MUC4: variants seen among roughly 807,000 people sequenced by gnomAD.
MUC4 encodes the protein mucin-4.
In MUC4, 202 loss-of-function variants were observed where a neutral mutation model predicts 257.9. The observed-to-expected ratio is 0.78, with a 90% CI of 0.70 to 0.88. The LOEUF (loss-of-function observed/expected upper bound fraction) is 0.88. MUC4 is among the 40% of genes least tolerant of loss of function. The pLI is 0.00. For synonymous variants in MUC4, 2,351 were observed against 2,757.1 expected, an observed-to-expected ratio of 0.85 and a Z score of 4.62; for missense variants, 5,976 against 6,513.7, an observed-to-expected ratio of 0.92 and a Z score of 2.84.
intron 1 of MUC4, among the ~76,000 whole-genome samples, chr3:195,807,250 C>G (rs899581926): frequency 2.0e-5 from 3 of 152,174 alleles, no homozygotes; most frequent in African/African-American, 7.2e-5. Context: ...GAGCGGATCA[C>G]CTGAGGTCAG....
In MUC4 at chr3:195,788,514, G is replaced by GCT. The variant is rs1733256328; in HGVS notation, c.3065_3066insAG (p.Thr1023AlafsTer214). 1 of 1,493,042 alleles carries GCT rather than the reference G, an allele frequency of 6.7e-7. No individual in the cohort carries two copies. Among genetic ancestry groups the GCT allele is most frequent in the African/African-American group, 1.7e-5 (1 of 57,974 alleles). The allele number at this position is 1,493,042 out of a possible 1,614,324, so 92.5% of individuals were successfully genotyped here. On this transcript the variant is annotated frameshift_variant, in exon 2 of 25. Transcript: ENST00000463781. LOFTEE classifies it high-confidence loss of function. ...AAGTGTCGGTGACAGGAAGAGGGGT[G>GCT]GTGTGACCTGTGGATACTGAGGAAG...
intron 13 of MUC4, among the ~76,000 whole-genome samples, chr3:195,762,546 ACGC>A (rs1719311137): frequency 6.7e-6 from 1 of 149,016 alleles, no homozygotes; most frequent in Non-Finnish European, 1.5e-5. Context: ...CTGCACCGCA[ACGC>A]ACCCGGCCCT....
At chr3:195,796,067 TATTTTATTTATTTA>T (rs982983256) in intron 1 of MUC4, among the ~76,000 whole-genome samples, 5 of 152,044 alleles carry the variant, frequency 3.3e-5, no homozygotes, top group Admixed American at 2.0e-4. Context: ...AAAACTATTT[TATTTTATTTATTTA>T]ATTTTATTTA....
rs1043934494 is a variant in MUC4, at chr3:195,788,860, A to T, written c.2720T>A (p.Met907Lys). 7 of 1,613,894 alleles carry T rather than the reference A, an allele frequency of 4.3e-6. No homozygotes were observed. The highest frequency in any genetic ancestry group is 5.9e-6 in the Non-Finnish European group (7 of 1,179,838). The change falls in exon 2 of 25, where the codon ATG becomes AAG. Residue 907 changes from methionine to lysine, a missense_variant. Physicochemically the swap from Met to Lys is moderately conservative, Grantham distance 95. Transcript: ENST00000463781. ...SPQETAAISR[M>K]AQTQRTRTSR... Reference sequence around the variant, plus strand: ...GGTTCTTGTCCTCTGAGTCTGGGCCATCCGGGAAATGGCGGCTGTCTCCTG... The same window carrying T: ...GGTTCTTGTCCTCTGAGTCTGGGCCTTCCGGGAAATGGCGGCTGTCTCCTG...
intron 1 of MUC4, among the ~76,000 whole-genome samples, chr3:195,798,635 C>T (rs1023226233): frequency 7.9e-5 from 12 of 151,528 alleles, no homozygotes; most frequent in African/African-American, 1.2e-4. Context: ...ACCCGGGAGG[C>T]GGAGCTTGCA....
rs371051811 is a variant in MUC4, at chr3:195,789,618, G to C, written c.1962C>G (p.Ser654=). 6.2e-7 allele frequency: 1 copy of C among 1,613,964 alleles called. No homozygotes were observed. The highest frequency in any genetic ancestry group is 1.1e-5 in the South Asian group (1 of 91,084). Residue 654 remains serine, a synonymous_variant, in exon 2 of 25, where the codon TCC becomes TCG. Coordinates refer to ENST00000463781, the MANE Select transcript of MUC4 (RefSeq NM_018406.7). ...TCTTGGTGTCAGTCATGGGGGAGAC[G>C]GACCTCGTGGTTTGTGATTCTTGTG... is the stretch of plus-strand genomic sequence containing the variant. The part of the protein sequence containing the change: ...QTTQESQTTR[S]VSPMTDTKTV...
intron 2 of MUC4, 141 bp downstream of exon 2, chr3:195,778,649 C>G (rs1016186637): frequency 2.4e-6 from 3 of 1,247,656 alleles, no homozygotes; most frequent in South Asian, 1.5e-5. Context: ...TCACCCACCA[C>G]ACCCATCACC....
In MUC4 at chr3:195,770,247, G is replaced by A; in HGVS notation, c.13367C>T (p.Ala4456Val). Residue 4456 changes from alanine to valine, a missense_variant, in exon 6 of 25, where the codon GCC (alanine) becomes GTC (valine). Coordinates refer to ENST00000463781, the MANE Select transcript of MUC4 (RefSeq NM_018406.7). Reference sequence around the variant, plus strand: ...GGTCCACTGGGCAGGATAGGCGTGGGCATTGACCCACGTGACCTTTAGGGC... The same window carrying A: ...GGTCCACTGGGCAGGATAGGCGTGGACATTGACCCACGTGACCTTTAGGGC... ...RWALKVTWVN[A>V]HAYPAQWTLG... The A allele has an allele frequency of 3.7e-6, 6 of 1,613,380 alleles. No homozygotes were observed. Among genetic ancestry groups the A allele is most frequent in the Non-Finnish European group, 5.1e-6 (6 of 1,179,712 alleles).
chr3:195,783,203 C>T lies in MUC4; in HGVS notation c.8377G>A (p.Ala2793Thr). ...TPLHVTSPSS[A>T]STGHTTPLPV... The stretch of plus-strand genomic sequence containing the variant: ...AGAGGGGTGGTGTGACCTGTGGATG[C>T]TGAGGAAGGGCTGGTGACATGAAGA... Residue 2793 changes from alanine (A) to threonine (T), a missense_variant, in exon 2 of 25, where the codon GCA becomes ACA. This residue lies in a region of MUC4 where 228 missense variants were observed against 206.3 expected (regional missense o/e 1.11). Coordinates refer to ENST00000463781, the MANE Select transcript of MUC4 (RefSeq NM_018406.7). The T allele has an allele frequency of 7.3e-7, 1 of 1,377,528 alleles. No individual in the cohort carries two copies. The highest frequency in any genetic ancestry group is 1.0e-6 in the Non-Finnish European group (1 of 1,000,896). 85.3% of individuals were successfully genotyped at this position (1,377,528 alleles called of 1,614,324 possible). A position where few individuals can be genotyped will look rare whatever the true frequency, so the allele number is the denominator to read the frequency against.
rs200996132 is a variant in MUC4, at chr3:195,779,630, G to T, written c.11950C>A (p.Pro3984Thr). ...GAGGAAGTGTCGGTGACAGGAAGGG[G>T]GGTGGCGTGACCTGTGGATGCTGAG... ...RSSASTGHAT[P>T]LPVTDTSSVS... is the part of the protein sequence containing the mutation. The change falls in exon 2 of 25, where the codon CCC (proline) becomes ACC (threonine). Residue 3984 changes from proline (P) to threonine (T), a missense_variant. Transcript: ENST00000463781. 604 of 592,054 alleles carry T rather than the reference G, an allele frequency of 1.0e-3. 8 individuals are homozygous for T. The highest frequency in any genetic ancestry group is 3.7e-3 in the East Asian group (41 of 11,056). The allele number at this position is 592,054 out of a possible 1,614,324, so 36.7% of individuals were successfully genotyped here.
rs145541520 is a variant in MUC4, at chr3:195,790,142, A to G, written c.1438T>C (p.Phe480Leu). ...SFSPGVSQEI[F>L]TLHETTTWPS... ...CATGTTGTTGTTTCATGTAGAGTAA[A>G]TATTTCTTGAGACACACCTGGAGAG... The change falls in exon 2 of 25, where the codon TTT becomes CTT. Residue 480 changes from phenylalanine (F) to leucine (L), a missense_variant. Phe to Leu is a conservative substitution (Grantham distance 22). This residue lies in a region of MUC4 where 1,583 missense variants were observed against 1,257.4 expected (regional missense o/e 1.26). Transcript: ENST00000463781. 552 of 1,613,902 alleles carry G rather than the reference A, an allele frequency of 3.4e-4. 7 individuals carry two copies. The East Asian group carries it at 0.012, about 35-fold the overall frequency.
At chr3:195,799,251 G>GTA (rs1734984133) in intron 1 of MUC4, among the ~76,000 whole-genome samples, 1 of 123,890 alleles carries the variant, frequency 8.1e-6, no homozygotes, top group South Asian at 2.7e-4. Flanking sequence ...GTGTGTGTGT[G>GTA]TGTGTGTGTG....
intron 7 of MUC4, among the ~76,000 whole-genome samples, chr3:195,767,504 C>CACCACCACCATCGCCACCACCATCAT (rs1720915469): frequency 1.5e-5 from 2 of 137,368 alleles, no homozygotes; most frequent in East Asian, 2.3e-4. Flanking sequence ...ACCATCACCA[C>CACCACCACCATCGCCACCACCATCAT]CACCATCACC....
intron 20 of MUC4, 149 bp downstream of exon 20, chr3:195,752,902 C>T (rs1276004867): frequency 9.1e-6 from 7 of 771,962 alleles, no homozygotes; most frequent in Non-Finnish European, 1.4e-5. Flanking sequence ...TCCCATAGCC[C>T]GCACCTTACA....
At chr3:195,761,366 A>T (rs1718868671) in intron 15 of MUC4, 118 bp downstream of exon 15, 1 of 922,648 alleles carries the variant, frequency 1.1e-6, no homozygotes, top group Non-Finnish European at 1.7e-6. Context: ...GGGGGGGCAC[A>T]GATTCCTCAG....
chr3:195,774,591 C>A (rs1200791479), intron 3 of MUC4, among the ~76,000 whole-genome samples: 1 of 152,188 alleles, frequency 6.6e-6, no homozygotes, highest in Non-Finnish European at 1.5e-5. Flanking sequence ...TAGTCTCAAT[C>A]CTTTTCAGGG....
At chr3:195,791,633 G>A in intron 1 of MUC4, 136 bp from the exon 2 acceptor site, 1 of 645,606 alleles carries the variant, frequency 1.5e-6, no homozygotes, top group Non-Finnish European at 2.7e-6. Context: ...CACAGAATGA[G>A]AACAAACTAC....
chr3:195,797,448 C>A (rs1279821110), intron 1 of MUC4, among the ~76,000 whole-genome samples: 1 of 152,162 alleles, frequency 6.6e-6, no homozygotes, highest in Admixed American at 6.5e-5. Flanking sequence ...TCAACACTTA[C>A]TCCTGTTAAA....
In MUC4 at chr3:195,771,672, G is replaced by A. The variant is rs759984110; in HGVS notation, c.13222C>T (p.Arg4408Trp). The change falls in exon 5 of 25, where the codon CGG becomes TGG. Residue 4408 changes from arginine to tryptophan, a missense_variant. Arg to Trp is a moderately radical substitution (Grantham distance 101). Transcript: ENST00000463781. ...CTCACCTGATAAAATGTGGTCCCCC[G>A]ACCAGTGGAGAAGTCAGCATCGTCC... is the stretch of plus-strand genomic sequence containing the variant. Reference protein sequence around the residue: ...FWDDADFSTGRGTTFYQEYET... With the variant: ...FWDDADFSTGWGTTFYQEYET... 1.2e-4 allele frequency: 189 copies of A among 1,613,726 alleles called. No individual in the cohort carries two copies. The highest frequency in any genetic ancestry group is 3.3e-4 in the Middle Eastern group (2 of 6,076).
Sources: gnomAD v4.1 joint callset for allele counts (sites outside exome capture counted in the v4.1 genomes callset) on GRCh38, gnomAD v4.1.1 for gene constraint, gnomAD v4.1.1 regional missense constraint, MANE v1.5 for transcripts, NCBI Gene and HGNC (gene_info 2026-07-23, HGNC 2026-07-21) for gene names.